Variants in SYNPR observed in about 807,000 individuals in gnomAD.
SYNPR encodes the protein synaptoporin.
A neutral mutation model predicts 32.9 loss-of-function variants in SYNPR; 23 were observed. The ratio of observed to expected loss-of-function variants is 0.70; its 90% CI spans 0.50 to 0.99. The LOEUF (loss-of-function observed/expected upper bound fraction) is 0.99, where lower values mean the gene tolerates loss of function less well. Among genes scored for constraint, SYNPR ranks in the 50% least tolerant of loss-of-function variants. The pLI, the probability that SYNPR is intolerant of heterozygous loss-of-function variation, is 0.00. For synonymous variants in SYNPR, 146 were observed against 135.9 expected (o/e 1.07, Z -0.52); for missense variants, 318 against 349.3 (o/e 0.91, Z 0.71).
At chr3:63,257,936 A>G (rs973347012) in intron 2 of SYNPR, among the ~76,000 whole-genome samples, 1 of 152,194 alleles carries the variant, frequency 6.6e-6, no homozygotes, top group African/African-American at 2.4e-5. Context: ...CTGATAAAAA[A>G]CATACTTTAA....
intron 2 of SYNPR, among the ~76,000 whole-genome samples, chr3:63,422,596 A>T (rs1699820823): frequency 6.6e-6 from 1 of 152,216 alleles, no homozygotes; most frequent in African/African-American, 2.4e-5. Context: ...GCCTCAATAA[A>T]GTCATAAATT....
At chr3:63,401,342 A>G (rs570714704) in intron 2 of SYNPR, among the ~76,000 whole-genome samples, 1 of 152,322 alleles carries the variant, frequency 6.6e-6, no homozygotes, top group East Asian at 1.9e-4. Context: ...CCATTTAGTT[A>G]AGAGCATGCG....
chr3:63,457,979 T>A (rs1314569663), intron 2 of SYNPR, among the ~76,000 whole-genome samples: 2 of 152,170 alleles, frequency 1.3e-5, no homozygotes, highest in African/African-American at 4.8e-5. Flanking sequence ...TTCTTTTGAA[T>A]TAATCTCTTT....
intron 2 of SYNPR, among the ~76,000 whole-genome samples, chr3:63,434,160 T>G (rs894578324): frequency 6.6e-6 from 1 of 152,232 alleles, no homozygotes; most frequent in Non-Finnish European, 1.5e-5. Flanking sequence ...ACGCCTTATT[T>G]TATTAAGAGC....
intron 2 of SYNPR, among the ~76,000 whole-genome samples, chr3:63,437,129 G>A (rs1462407840): frequency 1.3e-5 from 2 of 149,878 alleles, no homozygotes; most frequent in African/African-American, 2.4e-5. Context: ...TGCCCACCTC[G>A]GCCTCCCAGA....
At chr3:63,202,723 T>A in the SYNPR span, among the ~76,000 whole-genome samples, 1 of 152,206 alleles carries the variant, frequency 6.6e-6, no homozygotes. Flanking sequence ...CATTTGAGCA[T>A]TGGAGCTATG....
chr3:63,452,385 G>A (rs531872107), intron 2 of SYNPR, among the ~76,000 whole-genome samples: 2 of 152,094 alleles, frequency 1.3e-5, no homozygotes, highest in Non-Finnish European at 1.5e-5. Flanking sequence ...TGACAGGCAC[G>A]GATCCAAGTG....
chr3:63,355,763 C>A (rs1405744231), intron 2 of SYNPR, among the ~76,000 whole-genome samples: 2 of 151,552 alleles, frequency 1.3e-5, no homozygotes, highest in Non-Finnish European at 2.9e-5. Context: ...AGTGCCTGGG[C>A]CTCCCTCTCC....
At chr3:63,572,475 C>T (rs560139938) in intron 4 of SYNPR, among the ~76,000 whole-genome samples, 1 of 152,264 alleles carries the variant, frequency 6.6e-6, no homozygotes, top group Middle Eastern at 3.4e-3. Context: ...GCCTGAGTCT[C>T]TCTATCCTCG....
At chr3:63,247,760 C>T (rs1436241657) in intron 1 of SYNPR, among the ~76,000 whole-genome samples, 2 of 152,188 alleles carry the variant, frequency 1.3e-5, no homozygotes, top group Non-Finnish European at 1.5e-5. Context: ...GGCATTTTAC[C>T]CGCTCTCTCA....
At chr3:63,443,244 C>G (rs1700213314) in intron 2 of SYNPR, 1 of 1,414,466 alleles carries the variant, frequency 7.1e-7, no homozygotes, top group South Asian at 1.6e-5. Context: ...TTTGCCATCT[C>G]TCTGCAAATG....
intron 2 of SYNPR, among the ~76,000 whole-genome samples, chr3:63,367,030 A>C (rs1450238790): frequency 6.6e-6 from 1 of 152,202 alleles, no homozygotes; most frequent in Non-Finnish European, 1.5e-5. Context: ...TAAAATGGAC[A>C]AATACCATTT....
At chr3:63,495,633 T>C (rs1701356821) in intron 3 of SYNPR, among the ~76,000 whole-genome samples, 1 of 152,180 alleles carries the variant, frequency 6.6e-6, no homozygotes, top group Non-Finnish European at 1.5e-5. Context: ...TTGCATTCTG[T>C]TGTTTAAGTT....
rs17068434 is a variant in SYNPR at position 63,390,148 on chromosome 3, G to A, written c.85-90684G>A. ...AGCATTCTTACCCTGCACACAAATT[G>A]GGAACAAGAAAATCATTCTGTCTCT... On this transcript the variant is annotated intron_variant, in intron 2 of 5. Transcript: ENST00000478300. Among the ~76,000 whole-genome samples, 1,511 of 152,208 alleles carry A rather than the reference G, an allele frequency of 9.9e-3. 16 individuals are homozygous for A. The highest frequency in any genetic ancestry group is 0.051 in the East Asian group (264 of 5,176).
intron 1 of SYNPR, among the ~76,000 whole-genome samples, chr3:63,249,784 A>G (rs2106888201): frequency 1.3e-5 from 2 of 152,312 alleles, no homozygotes. Flanking sequence ...ATAAGGTAAC[A>G]TTCTGTAATG....
intron 4 of SYNPR, among the ~76,000 whole-genome samples, chr3:63,581,526 G>A (rs541278575): frequency 2.2e-4 from 28 of 129,874 alleles, no homozygotes; most frequent in Middle Eastern, 4.0e-3. Flanking sequence ...AGAAAATGAA[G>A]CATTTCCAAC....
intron 4 of SYNPR, among the ~76,000 whole-genome samples, chr3:63,583,033 G>C (rs1013735478): frequency 3.3e-5 from 5 of 152,072 alleles, no homozygotes; most frequent in Admixed American, 6.6e-5. Context: ...AGACAGGAAA[G>C]GGGCAGCTTT....
chr3:63,581,156 G>C (rs915541715), intron 4 of SYNPR, among the ~76,000 whole-genome samples: 1 of 152,140 alleles, frequency 6.6e-6, no homozygotes, highest in African/African-American at 2.4e-5. Context: ...TTCCACCACT[G>C]TCCTGAACAC....
intron 2 of SYNPR, among the ~76,000 whole-genome samples, chr3:63,339,498 C>A (rs904486886): frequency 3.3e-5 from 5 of 152,112 alleles, no homozygotes; most frequent in African/African-American, 1.2e-4. Context: ...AGATAATGAC[C>A]TTGACACAAT....
Sources: gnomAD v4.1 joint callset for allele counts (sites outside exome capture counted in the v4.1 genomes callset) on GRCh38, gnomAD v4.1.1 for gene constraint, MANE v1.5 for transcripts, NCBI Gene and HGNC (gene_info 2026-07-23, HGNC 2026-07-21) for gene names.